The following PGGT1B variants were observed in gnomAD, a reference collection of about 807,000 sequenced individuals.
PGGT1B encodes the protein protein geranylgeranyltransferase type I subunit beta.
Under a neutral mutation model 46.1 loss-of-function variants are expected in PGGT1B, and 30 were observed. The observed-to-expected ratio is 0.65, with a 90% CI of 0.49 to 0.88. The LOEUF (loss-of-function observed/expected upper bound fraction) is 0.88, where lower values mean the gene tolerates loss of function less well. PGGT1B is among the 40% of genes least tolerant of loss of function. The pLI, the probability that PGGT1B is intolerant of heterozygous loss-of-function variation, is 0.00. For synonymous variants in PGGT1B, 170 were observed against 160.0 expected, an observed-to-expected ratio of 1.06 and a Z score of -0.47; for missense variants, 376 against 455.9, an observed-to-expected ratio of 0.82 and a Z score of 1.60.
rs147713094 is a variant in PGGT1B at position 115,232,808 on chromosome 5, G to A, written c.613-1787C>T. ...CTATATGGAAGGCACTTAAAAGAAT[G>A]TGCAAGTCAAAGTGGCAGGGCTCAA... On this transcript the variant is annotated intron_variant, in intron 5 of 8. Coordinates refer to ENST00000419445, the MANE Select transcript of PGGT1B (RefSeq NM_005023.4). 2.8e-3 allele frequency among the ~76,000 whole-genome samples: 424 copies of A among 152,062 alleles called. 1 individual carries two copies. Among genetic ancestry groups the A allele is most frequent in the African/African-American group, 8.8e-3 (367 of 41,524 alleles).
In PGGT1B at chr5:115,261,632, C is replaced by T. The variant is rs546565647; in HGVS notation, c.140+1080G>A. Among the ~76,000 whole-genome samples, 10 of 152,180 alleles carry T rather than the reference C, an allele frequency of 6.6e-5. No homozygotes were observed. The East Asian group carries it at 1.9e-3, about 29-fold the overall frequency. On this transcript the variant is annotated intron_variant, in intron 1 of 8. Coordinates refer to ENST00000419445, the MANE Select transcript of PGGT1B (RefSeq NM_005023.4). Reference sequence around the variant, plus strand: ...TAAGTATAGAGGTAAACAAGATAGACGAAAATGTTACCTTTGTGAAGTTTA... The same window carrying T: ...TAAGTATAGAGGTAAACAAGATAGATGAAAATGTTACCTTTGTGAAGTTTA...
intron 4 of PGGT1B, 62 bp from the exon 5 acceptor site, chr5:115,236,584 G>A: frequency 8.4e-7 from 1 of 1,192,812 alleles, no homozygotes. Flanking sequence ...TTTTGCATGG[G>A]GGTTAGAAAC....
chr5:115,227,625 G>A (rs1165752682), intron 6 of PGGT1B, among the ~76,000 whole-genome samples: 1 of 152,174 alleles, frequency 6.6e-6, no homozygotes, highest in South Asian at 2.1e-4. Flanking sequence ...TTGTCCACCT[G>A]TGCCACTGTT....
rs1756152871 is a variant in PGGT1B at position 115,209,280 on chromosome 5, G to A, written c.*3122C>T. On this transcript the variant is annotated 3_prime_UTR_variant, in exon 9 of 9. Transcript: ENST00000419445. ...CTCAGTGCTGGGCTTTGTCTCATAA[G>A]CTTCAAGAGGTACACAGCGTAAAAC... 6.6e-6 allele frequency: 1 copy of A among 152,022 alleles called. No homozygotes were observed. Among genetic ancestry groups the A allele is most frequent in the Non-Finnish European group, 1.5e-5 (1 of 67,996 alleles). The allele number at this position is 152,022 out of a possible 1,614,324, so 9.4% of individuals were successfully genotyped here. A position where few individuals can be genotyped will look rare whatever the true frequency, so the allele number is the denominator to read the frequency against.
intron 8 of PGGT1B, among the ~76,000 whole-genome samples, chr5:115,215,152 C>G (rs1756374201): frequency 6.6e-6 from 1 of 152,042 alleles, no homozygotes; most frequent in South Asian, 2.1e-4. Context: ...GTGTGCACCA[C>G]CATGCCTGGC....
chr5:115,214,870 TCA>T (rs1756365473), intron 8 of PGGT1B, among the ~76,000 whole-genome samples: 1 of 152,200 alleles, frequency 6.6e-6, no homozygotes, highest in African/African-American at 2.4e-5. Context: ...AAAATAATTC[TCA>T]GTTTTGAGGC....
chr5:115,231,927 T>G (rs1756996865), intron 5 of PGGT1B: 1 of 152,034 alleles, frequency 6.6e-6, no homozygotes, highest in East Asian at 1.9e-4. Flanking sequence ...CACATGTGCA[T>G]CGCGATCAGT....
rs1039445774 is a variant in PGGT1B at position 115,208,469 on chromosome 5, T to A, written c.*3933A>T. 6.6e-6 allele frequency: 1 copy of A among 152,056 alleles called. No homozygotes were observed. Among genetic ancestry groups the A allele is most frequent in the African/African-American group, 2.4e-5 (1 of 41,444 alleles). 9.4% of individuals were successfully genotyped at this position (152,056 alleles called of 1,614,324 possible). On this transcript the variant is annotated 3_prime_UTR_variant, in exon 9 of 9. Transcript: ENST00000419445. ...GTGACTTTATCTACCTAGAGTAAAT[T>A]TTGGCAATTTGCATTTTTCTCAAAA...
chr5:115,247,316 A>C (rs1747893424), intron 2 of PGGT1B, among the ~76,000 whole-genome samples: 1 of 152,174 alleles, frequency 6.6e-6, no homozygotes, highest in South Asian at 2.1e-4. Flanking sequence ...TGTGAAATAT[A>C]AAATTGCATT....
chr5:115,234,810 G>T (rs1484602548), intron 5 of PGGT1B, among the ~76,000 whole-genome samples: 1 of 151,930 alleles, frequency 6.6e-6, no homozygotes, highest in East Asian at 1.9e-4. Context: ...GAAATTTGAG[G>T]CATCACGATA....
intron 2 of PGGT1B, among the ~76,000 whole-genome samples, chr5:115,251,040 T>C (rs1318442699): frequency 3.3e-5 from 5 of 152,170 alleles, no homozygotes; most frequent in Non-Finnish European, 7.4e-5. Context: ...AATTACTAGT[T>C]GTAGGCTCTT....
chr5:115,225,969 GT>G (rs1457736570), intron 6 of PGGT1B, among the ~76,000 whole-genome samples: 1 of 148,238 alleles, frequency 6.7e-6, no homozygotes, highest in Non-Finnish European at 1.5e-5. Flanking sequence ...ATTCAAGGGA[GT>G]TGATTATTTA....
chr5:115,248,317 G>A (rs1747944058), intron 2 of PGGT1B, among the ~76,000 whole-genome samples: 1 of 152,130 alleles, frequency 6.6e-6, no homozygotes, highest in Non-Finnish European at 1.5e-5. Flanking sequence ...ATATCCAAAG[G>A]ACTAGAAAAC....
intron 5 of PGGT1B, among the ~76,000 whole-genome samples, chr5:115,234,327 G>C (rs1272065222): frequency 2.0e-5 from 3 of 151,712 alleles, no homozygotes; most frequent in Non-Finnish European, 4.4e-5. Context: ...AAACTAACGA[G>C]AATAGTTACC....
In PGGT1B at chr5:115,204,318, C is replaced by T. The variant is rs572699990; in HGVS notation, c.*8084G>A. On this transcript the variant is annotated 3_prime_UTR_variant, in exon 9 of 9. Coordinates refer to ENST00000419445, the MANE Select transcript of PGGT1B (RefSeq NM_005023.4). ...TTCTAATTCAGGAGGTCTAAGGTAC[C>T]GCCAGAGAATCTGCACTTTCTAACG... 3.9e-5 allele frequency: 6 copies of T among 152,152 alleles called. No individual in the cohort carries two copies. In the South Asian group the frequency reaches 6.2e-4, roughly 16 times the overall value. 9.4% of individuals were successfully genotyped at this position (152,152 alleles called of 1,614,324 possible).
chr5:115,220,954 C>A (rs867355612), intron 7 of PGGT1B, among the ~76,000 whole-genome samples: 1 of 151,866 alleles, frequency 6.6e-6, no homozygotes. Flanking sequence ...GGTTGATGGA[C>A]ACATGGGTGT....
In PGGT1B at chr5:115,213,060, A is replaced by G. The variant is rs188681925; in HGVS notation, c.953-477T>C. On this transcript the variant is annotated intron_variant, in intron 8 of 8. Coordinates refer to ENST00000419445, the MANE Select transcript of PGGT1B (RefSeq NM_005023.4). ...TTTTACCTCTGAAAGTTCCTAAACC[A>G]TATGCAGTACTATCCTAACATTGTG... 1.1e-3 allele frequency among the ~76,000 whole-genome samples: 161 copies of G among 152,352 alleles called. 2 individuals are homozygous for G. Among genetic ancestry groups the G allele is most frequent in the African/African-American group, 3.8e-3 (159 of 41,580 alleles).
chr5:115,228,186 C>T (rs1756853660), intron 6 of PGGT1B, among the ~76,000 whole-genome samples: 2 of 152,084 alleles, frequency 1.3e-5, no homozygotes, highest in Non-Finnish European at 1.5e-5. Context: ...GGAAAGAGGG[C>T]TATGCAGCAC....
At chr5:115,251,443 A>G (rs1748090210) in intron 2 of PGGT1B, among the ~76,000 whole-genome samples, 1 of 152,108 alleles carries the variant, frequency 6.6e-6, no homozygotes, top group Non-Finnish European at 1.5e-5. Flanking sequence ...CACTAATAAA[A>G]TGGTAGGGGG....
Sources: allele counts gnomAD v4.1 joint callset (sites outside exome capture counted in the v4.1 genomes callset), GRCh38; gene constraint gnomAD v4.1.1; transcripts MANE v1.5; gene names NCBI Gene and HGNC (gene_info 2026-07-23, HGNC 2026-07-21).